Variants in LOXL2 observed in about 807,000 individuals in gnomAD.
LOXL2 encodes lysyl oxidase homolog 2.
A neutral mutation model predicts 93.0 loss-of-function variants in LOXL2; 70 were observed. The ratio of observed to expected loss-of-function variants is 0.75; its 90% confidence interval spans 0.62 to 0.92. The LOEUF (loss-of-function observed/expected upper bound fraction) is 0.92. Among genes scored for constraint, LOXL2 ranks in the 40% least tolerant of loss-of-function variants. The pLI, the probability that LOXL2 is intolerant of heterozygous loss-of-function variation, is 0.00. For missense variants in LOXL2, 973 were observed against 1,054.9 expected (o/e 0.92, Z 1.08); for synonymous variants, 438 against 413.2 (o/e 1.06, Z -0.73).
At chr8:23,339,119 C>T (rs1027360483) in intron 4 of LOXL2, among the ~76,000 whole-genome samples, 1 of 152,194 alleles carries the variant, frequency 6.6e-6, no homozygotes, top group African/African-American at 2.4e-5. Flanking sequence ...CTTCCCAGCA[C>T]CTTTCTCTTT....
intron 1 of LOXL2, among the ~76,000 whole-genome samples, chr8:23,399,738 ACCT>A (rs1800134236): frequency 6.6e-6 from 1 of 152,138 alleles, no homozygotes; most frequent in Non-Finnish European, 1.5e-5. Context: ...GGACTAAAAC[ACCT>A]CCTAAGGCTC....
intron 1 of LOXL2, among the ~76,000 whole-genome samples, chr8:23,379,760 G>A (rs1166851787): frequency 1.3e-5 from 2 of 152,202 alleles, no homozygotes; most frequent in Non-Finnish European, 2.9e-5. Context: ...ATAATCTGCT[G>A]GTGTGCTGTT....
intron 1 of LOXL2, among the ~76,000 whole-genome samples, chr8:23,379,799 T>C (rs1804650562): frequency 1.3e-5 from 2 of 152,158 alleles, no homozygotes; most frequent in Admixed American, 6.5e-5. Flanking sequence ...AGTGCAGTAT[T>C]AGGGTGGGAG....
chr8:23,401,201 T>C (rs552900118), intron 1 of LOXL2, among the ~76,000 whole-genome samples: 1 of 152,302 alleles, frequency 6.6e-6, no homozygotes, highest in African/African-American at 2.4e-5. Flanking sequence ...CCTAACTCTT[T>C]AGTGGGACCT....
In LOXL2 at chr8:23,322,293, G is replaced by A. The variant is rs1406329548; in HGVS notation, c.1151-12C>T. ...GATGGGTCCGATCCCTGCAAGGGGA[G>A]AATAAACATGCTCTATGAAAGCTTT... is the stretch of plus-strand genomic sequence containing the variant. On this transcript the variant is annotated splice_polypyrimidine_tract_variant and intron_variant, in intron 6 of 13. Transcript: ENST00000389131. 7 of 1,609,998 alleles carry A rather than the reference G, an allele frequency of 4.3e-6. No individual in the cohort carries two copies. Among genetic ancestry groups the A allele is most frequent in the Non-Finnish European group, 5.1e-6 (6 of 1,177,390 alleles).
chr8:23,378,345 T>G (rs576877393), intron 1 of LOXL2, among the ~76,000 whole-genome samples: 1 of 152,200 alleles, frequency 6.6e-6, no homozygotes, highest in East Asian at 1.9e-4. Context: ...GTGGGTAACC[T>G]GACCTTTCTC....
At chr8:23,376,539 G>A (rs540201538) in intron 1 of LOXL2, among the ~76,000 whole-genome samples, 5 of 152,138 alleles carry the variant, frequency 3.3e-5, no homozygotes, top group Non-Finnish European at 7.3e-5. Context: ...TGTACCTCTG[G>A]TAGAATTCGG....
chr8:23,375,521 A>C (rs1472282963), intron 1 of LOXL2, among the ~76,000 whole-genome samples: 1 of 152,146 alleles, frequency 6.6e-6, no homozygotes, highest in Non-Finnish European at 1.5e-5. Flanking sequence ...CATTGAATCT[A>C]TAAATTACCT....
chr8:23,341,257 A>G (rs1246351053), intron 3 of LOXL2, 54 bp from the exon 4 acceptor site: 29 of 1,398,468 alleles, frequency 2.1e-5, no homozygotes, highest in Non-Finnish European at 4.1e-6. Context: ...CTGGCTGCAG[A>G]GACACCAGGC....
intron 1 of LOXL2, among the ~76,000 whole-genome samples, chr8:23,400,310 A>G (rs1294024950): frequency 6.6e-6 from 1 of 152,194 alleles, no homozygotes; most frequent in Non-Finnish European, 1.5e-5. Flanking sequence ...AGGCCTCACA[A>G]TCATGGCAGA....
intron 3 of LOXL2, among the ~76,000 whole-genome samples, chr8:23,354,899 C>G (rs1453670892): frequency 6.7e-6 from 1 of 148,646 alleles, no homozygotes; most frequent in African/African-American, 2.5e-5. Context: ...TATCTTCCAT[C>G]ACGCTCCTCT....
intron 1 of LOXL2, among the ~76,000 whole-genome samples, chr8:23,398,170 G>A (rs930260119): frequency 1.3e-5 from 2 of 152,146 alleles, no homozygotes; most frequent in African/African-American, 4.8e-5. Context: ...CCAAGTTCCA[G>A]AAAGATATTA....
chr8:23,401,473 A>G (rs976735326), intron 1 of LOXL2, among the ~76,000 whole-genome samples: 31 of 152,340 alleles, frequency 2.0e-4, no homozygotes, highest in African/African-American at 7.2e-4. Context: ...ATATGTAGCA[A>G]TGAAATGACA....
At chr8:23,350,037 T>C (rs190365915) in intron 3 of LOXL2, among the ~76,000 whole-genome samples, 1 of 152,288 alleles carries the variant, frequency 6.6e-6, no homozygotes, top group African/African-American at 2.4e-5. Flanking sequence ...GGAGAACATC[T>C]GTGCTTTGTC....
chr8:23,381,048 G>T (rs569273872), intron 1 of LOXL2, among the ~76,000 whole-genome samples: 1 of 151,364 alleles, frequency 6.6e-6, no homozygotes, highest in East Asian at 1.9e-4. Context: ...TAATACCACT[G>T]GGGGGCGGGT....
chr8:23,370,950 CA>C (rs778297608), intron 1 of LOXL2: 1 of 152,146 alleles, frequency 6.6e-6, no homozygotes, highest in African/African-American at 2.4e-5. Context: ...TCCAGAATGA[CA>C]AAAGACATCA....
At chr8:23,363,707 A>C (rs1268430902) in intron 2 of LOXL2, 2 of 152,178 alleles carry the variant, frequency 1.3e-5, no homozygotes, top group Non-Finnish European at 2.9e-5. Context: ...AGCCTGCCCC[A>C]AAGAGCTGCT....
At chr8:23,321,005 G>T (rs1340176070) in intron 7 of LOXL2, among the ~76,000 whole-genome samples, 1 of 152,214 alleles carries the variant, frequency 6.6e-6, no homozygotes, top group Non-Finnish European at 1.5e-5. Context: ...CAGAAACAGA[G>T]GAGCAATTCT....
rs547968350 is a variant in LOXL2, at chr8:23,312,191, T to C, written c.1637-2280A>G. Among the ~76,000 whole-genome samples the C allele has an allele frequency of 1.1e-3, 161 of 151,938 alleles. 3 individuals carry two copies. Among genetic ancestry groups the C allele is most frequent in the South Asian group, 4.2e-3 (20 of 4,808 alleles). ...CAACCAAAAAGAGTCCAGGACCAGA[T>C]GGATTCACAGCCGAATTCTACCAGA... is the stretch of plus-strand genomic sequence containing the variant. On this transcript the variant is annotated intron_variant, in intron 9 of 13. Transcript: ENST00000389131.
Sources: gnomAD v4.1 joint callset for allele counts (sites outside exome capture counted in the v4.1 genomes callset) on GRCh38, gnomAD v4.1.1 for gene constraint, MANE v1.5 for transcripts, NCBI Gene and HGNC (gene_info 2026-07-23, HGNC 2026-07-21) for gene names.